ANKRD22: variants seen among roughly 807,000 people sequenced by gnomAD.
ANKRD22 encodes the protein ankyrin repeat domain 22, also known as ankyrin repeat domain-containing protein 22.
Under a neutral mutation model 25.7 loss-of-function variants are expected in ANKRD22, and 24 were observed. That is an observed-to-expected ratio of 0.93 (90% CI 0.68 to 1.31). ANKRD22 has a LOEUF of 1.31. Among genes scored for constraint, ANKRD22 ranks in the 50% most tolerant of loss-of-function variants. The pLI, the probability that ANKRD22 is intolerant of heterozygous loss-of-function variation, is 0.00. For synonymous variants in ANKRD22, 84 were observed against 84.3 expected (o/e 1.00, Z 0.02); for missense variants, 214 against 227.1 (o/e 0.94, Z 0.37).
chr10:88,850,939 C>T (rs2481918), intron 1 of ANKRD22, among the ~76,000 whole-genome samples: 14,152 of 152,060 alleles, frequency 0.093, 896 homozygotes, highest in Non-Finnish European at 0.14. Flanking sequence ...ATCATTACAC[C>T]TCTTGTACTC....
chr10:88,845,593 C>T (rs537195018), intron 1 of ANKRD22, among the ~76,000 whole-genome samples: 1 of 152,236 alleles, frequency 6.6e-6, no homozygotes, highest in South Asian at 2.1e-4. Flanking sequence ...CACTGGCTGG[C>T]CTAAGGCAGA....
intron 3 of ANKRD22, among the ~76,000 whole-genome samples, chr10:88,827,151 A>T (rs1290615029): frequency 6.6e-6 from 1 of 152,102 alleles, no homozygotes; most frequent in African/African-American, 2.4e-5. Flanking sequence ...AGCTCCATCC[A>T]GTTCTCTCTC....
intron 1 of ANKRD22, among the ~76,000 whole-genome samples, chr10:88,836,052 A>C (rs1355590917): frequency 6.6e-6 from 1 of 152,198 alleles, no homozygotes; most frequent in Non-Finnish European, 1.5e-5. Context: ...CCTTCTGTCC[A>C]TCCTCACTGC....
In ANKRD22 at chr10:88,820,440, T is replaced by C; in HGVS notation, c.*2501A>G. On this transcript the variant is annotated 3_prime_UTR_variant, in exon 6 of 6. Coordinates refer to ENST00000371930, the MANE Select transcript of ANKRD22 (RefSeq NM_144590.3). ...CCTCACCGTATGTACAATGAAATCATCCATCTGATGCAGCAGGAGGAGACC... is the reference window on the plus strand; with the variant it reads ...CCTCACCGTATGTACAATGAAATCACCCATCTGATGCAGCAGGAGGAGACC... 1 of 1,552,046 alleles carries C rather than the reference T, an allele frequency of 6.4e-7. No individual in the cohort carries two copies. Among genetic ancestry groups the C allele is most frequent in the Non-Finnish European group, 8.7e-7 (1 of 1,147,064 alleles).
intron 1 of ANKRD22, among the ~76,000 whole-genome samples, chr10:88,837,612 A>G (rs1012499606): frequency 5.3e-5 from 8 of 152,214 alleles, no homozygotes; most frequent in African/African-American, 7.2e-5. Context: ...TCATTATACT[A>G]CTATATATTT....
chr10:88,823,413 G>C, intron 4 of ANKRD22, 35 bp from the exon 5 acceptor site: 1 of 1,518,388 alleles, frequency 6.6e-7, no homozygotes, highest in Non-Finnish European at 9.1e-7. Context: ...CAGCTCATAA[G>C]TCGGGCCCTC....
Position 88,820,462 on chromosome 10 carries a change from G to A in ANKRD22, c.*2479C>T. The A allele has an allele frequency of 2.6e-6, 4 of 1,551,760 alleles. No individual in the cohort carries two copies. Among genetic ancestry groups the A allele is most frequent in the Non-Finnish European group, 3.5e-6 (4 of 1,147,018 alleles). On this transcript the variant is annotated 3_prime_UTR_variant, in exon 6 of 6. Transcript: ENST00000371930. ...TCATCCATCTGATGCAGCAGGAGGA[G>A]ACCAACCTTTCCCAGGGACGGTGTG... is the stretch of plus-strand genomic sequence containing the variant.
intron 1 of ANKRD22, among the ~76,000 whole-genome samples, chr10:88,832,464 T>C (rs1465059107): frequency 6.6e-6 from 1 of 151,804 alleles, no homozygotes; most frequent in East Asian, 1.9e-4. Flanking sequence ...TATCTTTATC[T>C]TTACTAAAGA....
intron 1 of ANKRD22, among the ~76,000 whole-genome samples, chr10:88,837,319 G>A (rs1452651309): frequency 6.6e-6 from 1 of 152,198 alleles, no homozygotes; most frequent in Non-Finnish European, 1.5e-5. Flanking sequence ...GCTCAGATCT[G>A]AGTCACAGTA....
intron 1 of ANKRD22, among the ~76,000 whole-genome samples, chr10:88,848,178 A>ATATATG (rs1844070461): frequency 1.4e-5 from 1 of 69,958 alleles, no homozygotes; most frequent in Non-Finnish European, 3.4e-5. Flanking sequence ...ATATGTGTAT[A>ATATATG]TATATATGTA....
intron 1 of ANKRD22, among the ~76,000 whole-genome samples, chr10:88,850,013 T>G (rs759186341): frequency 1.6e-4 from 24 of 151,692 alleles, no homozygotes; most frequent in Middle Eastern, 3.4e-3. Flanking sequence ...AAGTTTTTTT[T>G]TTTTTTTTGA....
At chr10:88,848,172 G>GTATATATACATATATATATA (rs1395491199) in intron 1 of ANKRD22, among the ~76,000 whole-genome samples, 33 of 130,256 alleles carry the variant, frequency 2.5e-4, no homozygotes, top group African/African-American at 1.1e-3. Context: ...ATGTATATAT[G>GTATATATACATATATATATA]TGTATATATA....
chr10:88,848,137 A>G (rs1186751295), intron 1 of ANKRD22, among the ~76,000 whole-genome samples: 3 of 149,250 alleles, frequency 2.0e-5, no homozygotes. Context: ...AGGGATGCCC[A>G]ACATATATGC....
At chr10:88,828,514 A>T in intron 3 of ANKRD22, 45 bp downstream of exon 3, 1 of 1,391,802 alleles carries the variant, frequency 7.2e-7, no homozygotes, top group Non-Finnish European at 1.0e-6. Context: ...GAGTCACACC[A>T]TCGATCTCCA....
intron 2 of ANKRD22, among the ~76,000 whole-genome samples, chr10:88,829,823 C>T (rs978855312): frequency 1.3e-5 from 2 of 152,150 alleles, no homozygotes; most frequent in Non-Finnish European, 2.9e-5. Flanking sequence ...GCCACCTAGG[C>T]GGGAGTGCAG....
At chr10:88,828,064 A>G (rs775799723) in intron 3 of ANKRD22, among the ~76,000 whole-genome samples, 39 of 152,262 alleles carry the variant, frequency 2.6e-4, no homozygotes, top group Non-Finnish European at 4.0e-4. Context: ...GCATGAAGAA[A>G]TTCATCAAGG....
intron 1 of ANKRD22, among the ~76,000 whole-genome samples, chr10:88,833,101 G>A (rs145149620): frequency 3.9e-4 from 60 of 152,284 alleles, no homozygotes; most frequent in African/African-American, 1.4e-3. Flanking sequence ...TTTAGGGCTA[G>A]CATGAATCAG....
chr10:88,842,146 T>C (rs1427805710), intron 1 of ANKRD22, among the ~76,000 whole-genome samples: 1 of 152,112 alleles, frequency 6.6e-6, no homozygotes, highest in Non-Finnish European at 1.5e-5. Context: ...AAGTCTCCTT[T>C]GGGAAAAATA....
At chr10:88,841,585 G>A (rs971749178) in intron 1 of ANKRD22, among the ~76,000 whole-genome samples, 1 of 152,096 alleles carries the variant, frequency 6.6e-6, no homozygotes, top group Admixed American at 6.6e-5. Context: ...ATATATTTCC[G>A]TTAAAGTAAG....
Sources: allele counts gnomAD v4.1 joint callset (sites outside exome capture counted in the v4.1 genomes callset), GRCh38; gene constraint gnomAD v4.1.1; transcripts MANE v1.5; gene names NCBI Gene and HGNC (gene_info 2026-07-23, HGNC 2026-07-21).